The following KLF13 variants were observed in gnomAD, a reference collection of about 807,000 sequenced individuals.
KLF13 encodes the protein KLF transcription factor 13.
Under a neutral mutation model 16.7 loss-of-function variants are expected in KLF13, and 8 were observed. That is an observed-to-expected ratio of 0.48 (90% CI 0.28 to 0.87). The LOEUF (loss-of-function observed/expected upper bound fraction) is 0.87. Among genes scored for constraint, KLF13 ranks in the 40% least tolerant of loss-of-function variants. The pLI, the probability that KLF13 is intolerant of heterozygous loss-of-function variation, is 0.10. For missense variants in KLF13, 447 were observed against 452.2 expected (o/e 0.99, Z 0.10); for synonymous variants, 245 against 208.4 (o/e 1.18, Z -1.51).
downstream of KLF13, among the ~76,000 whole-genome samples, chr15:31,404,887 A>G (rs1401854792): frequency 6.6e-6 from 1 of 152,180 alleles, no homozygotes; most frequent in Non-Finnish European, 1.5e-5. Context: ...GGAAGAGTGG[A>G]GCCTAGGGTC....
chr15:31,338,845 T>C (rs573735466), intron 1 of KLF13, among the ~76,000 whole-genome samples: 3 of 152,132 alleles, frequency 2.0e-5, no homozygotes, highest in African/African-American at 7.2e-5. Context: ...CTCCCCCTTG[T>C]ACTGTGGGAT....
At chr15:31,411,804 C>T (rs997599721) in intron 1 of KLF13, among the ~76,000 whole-genome samples, 6 of 152,138 alleles carry the variant, frequency 3.9e-5, no homozygotes, top group African/African-American at 1.4e-4. Context: ...AATAAACTCT[C>T]AATCCAATCT....
At chr15:31,351,495 T>A (rs1200594825) in intron 1 of KLF13, among the ~76,000 whole-genome samples, 1 of 152,126 alleles carries the variant, frequency 6.6e-6, no homozygotes, top group African/African-American at 2.4e-5. Flanking sequence ...CGTGTGCGCT[T>A]GTCTTGCACT....
intron 1 of KLF13, among the ~76,000 whole-genome samples, chr15:31,429,314 T>C (rs1464358845): frequency 1.3e-5 from 2 of 152,206 alleles, no homozygotes; most frequent in Admixed American, 6.5e-5. Flanking sequence ...GACACTATGC[T>C]AATGAAATAA....
At chr15:31,328,640 C>T (rs1266773939) in intron 1 of KLF13, among the ~76,000 whole-genome samples, 2 of 152,000 alleles carry the variant, frequency 1.3e-5, no homozygotes, top group Non-Finnish European at 2.9e-5. Context: ...GGGCGCTGAG[C>T]CTCCAGCCTG....
At chr15:31,410,625 A>ACACACC (rs561338823) in intron 1 of KLF13, among the ~76,000 whole-genome samples, 49 of 134,830 alleles carry the variant, frequency 3.6e-4, no homozygotes, top group African/African-American at 1.2e-3. Context: ...ACACACACAC[A>ACACACC]CCCCTATAAC....
At chr15:31,429,297 C>T (rs760009401) in intron 1 of KLF13, among the ~76,000 whole-genome samples, 1 of 152,110 alleles carries the variant, frequency 6.6e-6, no homozygotes, top group African/African-American at 2.4e-5. Context: ...CACAGATGAA[C>T]GTTGAAGACA....
intron 1 of KLF13, among the ~76,000 whole-genome samples, chr15:31,335,240 A>T (rs2140933783): frequency 6.6e-6 from 1 of 152,220 alleles, no homozygotes; most frequent in African/African-American, 2.4e-5. Flanking sequence ...GCTGTTTGTG[A>T]GGCAGGCTTT....
rs1311650205 is a variant in KLF13 at position 31,373,980 on chromosome 15, TG to T, written c.*1684del. The T allele has an allele frequency of 6.6e-6, 1 of 152,624 alleles. No homozygotes were observed. The highest frequency in any genetic ancestry group is 1.9e-4 in the East Asian group (1 of 5,192). 9.5% of individuals were successfully genotyped at this position (152,624 alleles called of 1,614,324 possible). ...CTATTTTGATGCAAAGGAACGGCCC[TG>T]GGACCTCAGAGGGCCACAGATGGGC... On this transcript the variant is annotated 3_prime_UTR_variant, in exon 2 of 2. Transcript: ENST00000307145.
At chr15:31,380,166 C>A (rs2039706701), downstream of KLF13, among the ~76,000 whole-genome samples, 1 of 152,142 alleles carries the variant, frequency 6.6e-6, no homozygotes, top group African/African-American at 2.4e-5. Flanking sequence ...GTGGCTTGTG[C>A]CTGTAGTCCC....
At chr15:31,417,116 G>A (rs2040264350) in intron 1 of KLF13, among the ~76,000 whole-genome samples, 1 of 152,132 alleles carries the variant, frequency 6.6e-6, no homozygotes, top group Non-Finnish European at 1.5e-5. Context: ...TTATGAAGCA[G>A]CAAAAAGGCA....
intron 1 of KLF13, chr15:31,339,808 G>A (rs2038991135): frequency 3.2e-6 from 2 of 621,102 alleles, no homozygotes; most frequent in Admixed American, 2.5e-5. Context: ...CCCAGTGGAT[G>A]TCCTCCCGCC....
At chr15:31,338,824 C>T (rs2038976003) in intron 1 of KLF13, among the ~76,000 whole-genome samples, 1 of 152,102 alleles carries the variant, frequency 6.6e-6, no homozygotes, top group Admixed American at 6.5e-5. Flanking sequence ...GCCCCATTCT[C>T]ACTTCCTCTA....
chr15:31,364,366 C>A (rs945872867), intron 1 of KLF13, among the ~76,000 whole-genome samples: 1 of 152,248 alleles, frequency 6.6e-6, no homozygotes, highest in African/African-American at 2.4e-5. Flanking sequence ...AGCCAGGCTT[C>A]AGCACCCTGC....
chr15:31,420,167 G>T, intron 1 of KLF13: 1 of 517,516 alleles, frequency 1.9e-6, no homozygotes, highest in Non-Finnish European at 3.7e-6. Flanking sequence ...CACTAGTGTC[G>T]TCGCCACCCA....
rs1422259078 is a variant in KLF13 at position 31,423,159 on chromosome 15, A to ACATATATATATGTATATG, written n.118-12211_118-12210insCATATATATATGTATATG. ...TATACGTATACGTATATATACGTAT[A>ACATATATATATGTATATG]TATATGTATATATATACATATATAC... is the stretch of plus-strand genomic sequence containing the variant. On this transcript the variant is annotated intron_variant and non_coding_transcript_variant, in intron 1 of 1. Transcript: ENST00000558225. Among the ~76,000 whole-genome samples, 14 of 118,730 alleles carry ACATATATATATGTATATG rather than the reference A, an allele frequency of 1.2e-4. 4 individuals are homozygous for ACATATATATATGTATATG. In the South Asian group the frequency reaches 3.4e-3, roughly 29 times the overall value. 77.9% of individuals were successfully genotyped at this position (118,730 alleles called of 152,430 possible).
chr15:31,394,085 G>C (rs2039917065), intron 2 of KLF13, among the ~76,000 whole-genome samples: 1 of 152,098 alleles, frequency 6.6e-6, no homozygotes, highest in Non-Finnish European at 1.5e-5. Context: ...TGGCCAAAGA[G>C]AGATGCTGAC....
intron 1 of KLF13, among the ~76,000 whole-genome samples, chr15:31,363,107 G>A (rs2039414438): frequency 1.3e-5 from 2 of 152,262 alleles, no homozygotes; most frequent in East Asian, 1.9e-4. Flanking sequence ...TTGCCAAATC[G>A]CCCTCCATGG....
rs564034987 is a variant in KLF13 at position 31,429,805 on chromosome 15, C to G, written n.118-5565C>G. On this transcript the variant is annotated intron_variant and non_coding_transcript_variant, in intron 1 of 1. Coordinates refer to the KLF13 transcript ENST00000558225. ...CTGGAGTGCAGTGGCGCAATCTCGGCTCACTGCAAGCTCCGCCTCCCAGGT... is the reference window on the plus strand; with the variant it reads ...CTGGAGTGCAGTGGCGCAATCTCGGGTCACTGCAAGCTCCGCCTCCCAGGT... Among the ~76,000 whole-genome samples, 6 of 151,966 alleles carry G rather than the reference C, an allele frequency of 3.9e-5. No individual in the cohort carries two copies. In the South Asian group the frequency reaches 1.2e-3, roughly 32 times the overall value.
Sources: allele counts gnomAD v4.1 joint callset (sites outside exome capture counted in the v4.1 genomes callset), GRCh38; gene constraint gnomAD v4.1.1; transcripts MANE v1.5; gene names NCBI Gene and HGNC (gene_info 2026-07-23, HGNC 2026-07-21).